The following EXOC6 variants were observed in gnomAD, a reference collection of about 807,000 sequenced individuals.
The protein encoded by EXOC6 is exocyst complex component 6, also known as SEC15-like 1.
In EXOC6, 60 loss-of-function variants were observed where a neutral mutation model predicts 112.5. That is an observed-to-expected ratio of 0.53 (90% CI 0.43 to 0.66). The LOEUF is 0.66. Among genes scored for constraint, EXOC6 ranks in the 30% least tolerant of loss-of-function variants. The pLI, the probability that EXOC6 is intolerant of heterozygous loss-of-function variation, is 0.00. For missense variants in EXOC6, 855 were observed against 957.1 expected (o/e 0.89, Z 1.41); for synonymous variants, 295 against 308.0 (o/e 0.96, Z 0.44).
intron 14 of EXOC6, among the ~76,000 whole-genome samples, chr10:92,951,907 A>G (rs1392762814): frequency 6.6e-6 from 1 of 152,214 alleles, no homozygotes; most frequent in Admixed American, 6.5e-5. Context: ...AAGCTGGCCT[A>G]TAATTTTCAT....
intron 18 of EXOC6, among the ~76,000 whole-genome samples, chr10:92,993,737 TTTGTC>T (rs1043897660): frequency 6.6e-6 from 1 of 152,194 alleles, no homozygotes; most frequent in Admixed American, 6.5e-5. Context: ...ATTTTGGAAA[TTTGTC>T]TTGACATACA....
chr10:92,873,068 C>T (rs1012892032), intron 1 of EXOC6, among the ~76,000 whole-genome samples: 11 of 152,230 alleles, frequency 7.2e-5, no homozygotes, highest in East Asian at 5.8e-4. Flanking sequence ...AATTTATTTT[C>T]GCAATTCATT....
chr10:92,848,433 G>GCCCCCCCCCCCCC, upstream of EXOC6: 2 of 855,808 alleles, frequency 2.3e-6, no homozygotes, highest in Non-Finnish European at 2.8e-6. Context: ...CGGCCCGAGC[G>GCCCCCCCCCCCCC]CCCCGCCCCC....
At chr10:92,959,319 A>T (rs1355405130) in intron 17 of EXOC6, among the ~76,000 whole-genome samples, 1 of 152,216 alleles carries the variant, frequency 6.6e-6, no homozygotes, top group East Asian at 1.9e-4. Flanking sequence ...ATGAATCTAG[A>T]CCAGACCTTA....
At chr10:92,975,263 G>A (rs1291620182) in intron 18 of EXOC6, among the ~76,000 whole-genome samples, 42 of 150,500 alleles carry the variant, frequency 2.8e-4, no homozygotes, top group African/African-American at 1.0e-3. Flanking sequence ...CCGCGACCCC[G>A]TCTGGGAGGT....
chr10:92,913,185 A>G (rs1262111246), intron 6 of EXOC6, among the ~76,000 whole-genome samples: 1 of 152,148 alleles, frequency 6.6e-6, no homozygotes, highest in Non-Finnish European at 1.5e-5. Context: ...TGTTTCCACA[A>G]TTCCAGAAAC....
At chr10:93,017,290 A>AT (rs1368531222) in intron 20 of EXOC6, among the ~76,000 whole-genome samples, 1 of 152,118 alleles carries the variant, frequency 6.6e-6, no homozygotes. Context: ...GGGATGAGAG[A>AT]TAAAAACTAC....
intron 17 of EXOC6, among the ~76,000 whole-genome samples, chr10:92,969,295 C>T (rs532173108): frequency 1.3e-5 from 2 of 152,146 alleles, no homozygotes; most frequent in Non-Finnish European, 2.9e-5. Context: ...GGCTACCCAT[C>T]CCCGGTGCCA....
chr10:92,927,920 G>A, intron 8 of EXOC6, among the ~76,000 whole-genome samples: 1 of 152,142 alleles, frequency 6.6e-6, no homozygotes, highest in Non-Finnish European at 1.5e-5. Flanking sequence ...GATATATTGA[G>A]AGTGAAAGAG....
chr10:92,835,277 T>C (rs1217625618), intron 1 of EXOC6, among the ~76,000 whole-genome samples: 1 of 152,228 alleles, frequency 6.6e-6, no homozygotes, highest in Admixed American at 6.5e-5. Flanking sequence ...CAGATATGTA[T>C]TATTTTGTTT....
chr10:92,889,787 T>G (rs1374008801), intron 1 of EXOC6, among the ~76,000 whole-genome samples: 1 of 152,070 alleles, frequency 6.6e-6, no homozygotes, highest in Non-Finnish European at 1.5e-5. Flanking sequence ...TTGCGCTCTG[T>G]CACCCAGGTT....
chr10:92,931,100 G>T, intron 9 of EXOC6, among the ~76,000 whole-genome samples: 1 of 108,486 alleles, frequency 9.2e-6, no homozygotes. Flanking sequence ...GACAGAGCAA[G>T]ACTCCATCTC....
chr10:92,846,224 G>T (rs1847049458), upstream of EXOC6, among the ~76,000 whole-genome samples: 1 of 152,248 alleles, frequency 6.6e-6, no homozygotes, highest in Non-Finnish European at 1.5e-5. Context: ...CCAGAGCAGG[G>T]GCACTTGGAG....
intron 20 of EXOC6, among the ~76,000 whole-genome samples, chr10:93,021,806 T>A (rs1323785757): frequency 6.6e-6 from 1 of 152,244 alleles, no homozygotes; most frequent in Non-Finnish European, 1.5e-5. Context: ...ATTCTCATTG[T>A]ATATGAATAA....
At chr10:92,870,314 T>TA (rs1301970672) in intron 1 of EXOC6, among the ~76,000 whole-genome samples, 2 of 152,180 alleles carry the variant, frequency 1.3e-5, no homozygotes, top group Admixed American at 1.3e-4. Flanking sequence ...TATTCACCAA[T>TA]ACTGCTTTTA....
At chr10:93,050,122 A>G (rs1711760820) in intron 20 of EXOC6, among the ~76,000 whole-genome samples, 1 of 152,206 alleles carries the variant, frequency 6.6e-6, no homozygotes, top group Admixed American at 6.5e-5. Context: ...ATAGACAAAA[A>G]TGGTAGGATA....
chr10:92,990,041 T>C (rs1399732491), intron 18 of EXOC6, among the ~76,000 whole-genome samples: 1 of 152,202 alleles, frequency 6.6e-6, no homozygotes, highest in Non-Finnish European at 1.5e-5. Context: ...AATATATCCC[T>C]GTATTGGAAA....
chr10:92,839,048 G>A (rs185304138), intron 1 of EXOC6, among the ~76,000 whole-genome samples: 56 of 151,852 alleles, frequency 3.7e-4, no homozygotes, highest in African/African-American at 1.3e-3. Flanking sequence ...ACTCTGGCCC[G>A]GGCGACAGAG....
upstream of EXOC6, among the ~76,000 whole-genome samples, chr10:92,846,921 T>G (rs182588046): frequency 1.7e-3 from 252 of 152,318 alleles, 3 homozygotes; most frequent in Non-Finnish European, 2.6e-4. Context: ...CCAGCCTAAG[T>G]CAGAGTCAGA....
Sources: allele counts gnomAD v4.1 joint callset (sites outside exome capture counted in the v4.1 genomes callset), GRCh38; gene constraint gnomAD v4.1.1; transcripts MANE v1.5; gene names NCBI Gene and HGNC (gene_info 2026-07-23, HGNC 2026-07-21).